The following CDIP1 variants were observed in gnomAD, a reference collection of about 807,000 sequenced individuals.
The protein encoded by CDIP1 is cell death-inducing p53-target protein 1.
Under a neutral mutation model 17.7 loss-of-function variants are expected in CDIP1, and 9 were observed. That is an observed-to-expected ratio of 0.51 (90% CI 0.31 to 0.89). The LOEUF (loss-of-function observed/expected upper bound fraction) is 0.89. Among genes scored for constraint, CDIP1 ranks in the 40% least tolerant of loss-of-function variants. The pLI, the probability that CDIP1 is intolerant of heterozygous loss-of-function variation, is 0.05. For missense variants in CDIP1, 263 were observed against 277.9 expected, an observed-to-expected ratio of 0.95 and a Z score of 0.38; for synonymous variants, 117 against 109.5, an observed-to-expected ratio of 1.07 and a Z score of -0.43.
chr16:4,538,133 C>G (rs1178101023), intron 1 of CDIP1, among the ~76,000 whole-genome samples: 1 of 152,202 alleles, frequency 6.6e-6, no homozygotes, highest in Non-Finnish European at 1.5e-5. Context: ...ACAACCTTCC[C>G]TGACGGAAAA....
At chr16:4,530,819 C>T (rs1204276677) in intron 1 of CDIP1, among the ~76,000 whole-genome samples, 1 of 151,774 alleles carries the variant, frequency 6.6e-6, no homozygotes, top group East Asian at 1.9e-4. Flanking sequence ...ACCTGGGCAA[C>T]AAAGCAAGAC....
intron 1 of CDIP1, chr16:4,524,345 T>C (rs535047761): frequency 1.3e-5 from 2 of 152,416 alleles, no homozygotes; most frequent in African/African-American, 4.8e-5. Context: ...CAAACAGCAA[T>C]GTTCCGCCTA....
rs775606773 is a variant in CDIP1 at position 4,513,652 on chromosome 16, G to A, written c.241+44C>T. On this transcript the variant is annotated intron_variant, in intron 4 of 5. Coordinates refer to ENST00000567695, the MANE Select transcript of CDIP1 (RefSeq NM_013399.3). The surrounding 1 kb of genome is among the most constrained non-coding windows in gnomAD (Gnocchi z 4.1). ...GACAGCCAGCGCAGGCCAGACAGCA[G>A]CCAGGAGTTCCCCATGCTCCCCTCA... 1.3e-6 allele frequency: 2 copies of A among 1,571,830 alleles called. No homozygotes were observed. Among genetic ancestry groups the A allele is most frequent in the Admixed American group, 1.7e-5 (1 of 57,930 alleles).
Position 4,513,707 on chromosome 16 carries a change from T to C in CDIP1, c.230A>G (p.Tyr77Cys), listed in dbSNP as rs1315259806. Reference sequence around the variant, plus strand: ...CCTTCCCCACTCACCCGGAGGCATGTAGGTGCCATCTGCACTCATGTGTGG... The same window carrying C: ...CCTTCCCCACTCACCCGGAGGCATGCAGGTGCCATCTGCACTCATGTGTGG... ...IPPHMSADGT[Y>C]MPPGFYPPPG... is the part of the protein sequence containing the mutation. The change falls in exon 4 of 6, where the codon TAC becomes TGC. Residue 77 changes from tyrosine (Y) to cysteine (C), a missense_variant. Transcript: ENST00000567695. The surrounding 1 kb of genome is among the most constrained non-coding windows in gnomAD (Gnocchi z 4.1). The C allele has an allele frequency of 6.2e-7, 1 of 1,613,446 alleles. No homozygotes were observed.
Position 4,512,830 on chromosome 16 carries a change from A to C in CDIP1, c.476T>G (p.Leu159Trp). The C allele has an allele frequency of 6.4e-7, 1 of 1,564,556 alleles. No individual in the cohort carries two copies. Among genetic ancestry groups the C allele is most frequent in the Non-Finnish European group, 8.7e-7 (1 of 1,153,986 alleles). ...GAAGAAACCCAGCACGAAATTCATC[A>C]AGCCAATCTCGTAGGAGATCTTGGT... ...ITTKISYEIG[L>W]MNFVLGFFCC... Residue 159 changes from leucine to tryptophan, a missense_variant, in exon 5 of 6, where the codon TTG becomes TGG. Transcript: ENST00000567695. This position sits in a 1 kb window ranked among gnomAD's most constrained non-coding sequence, Gnocchi z 4.6.
chr16:4,518,257 G>A (rs1178469906), intron 1 of CDIP1, among the ~76,000 whole-genome samples: 1 of 152,200 alleles, frequency 6.6e-6, no homozygotes, highest in African/African-American at 2.4e-5. Flanking sequence ...ATAATCCTAT[G>A]ATCTCCTAGA....
chr16:4,521,689 G>A (rs954874928), intron 1 of CDIP1, among the ~76,000 whole-genome samples: 1 of 132,844 alleles, frequency 7.5e-6, no homozygotes, highest in African/African-American at 2.9e-5. Flanking sequence ...ATGGCAAGAC[G>A]TCATCAATAT....
chr16:4,522,657 A>G (rs1356996188), intron 1 of CDIP1: 2 of 152,364 alleles, frequency 1.3e-5, no homozygotes, highest in Non-Finnish European at 2.9e-5. Context: ...GGGTCTGAAA[A>G]GAGAATGGCA....
intron 1 of CDIP1, chr16:4,523,984 C>A (rs1465732277): frequency 6.6e-6 from 1 of 152,256 alleles, no homozygotes; most frequent in Non-Finnish European, 1.5e-5. Context: ...CCCCAGGAGA[C>A]CTCCGGCACC....
rs1474078269 is a variant in CDIP1 at position 4,512,844 on chromosome 16, G to A, written c.462C>T (p.Ser154=). 2.6e-6 allele frequency: 4 copies of A among 1,562,000 alleles called. No individual in the cohort carries two copies. The Admixed American group carries it at 5.8e-5, about 23-fold the overall frequency. Residue 154 remains serine (S), a synonymous_variant, in exon 5 of 6, where the codon TCC becomes TCT. Coordinates refer to ENST00000567695, the MANE Select transcript of CDIP1 (RefSeq NM_013399.3). This position sits in a 1 kb window ranked among gnomAD's most constrained non-coding sequence, Gnocchi z 4.6. ...CGAAATTCATCAAGCCAATCTCGTA[G>A]GAGATCTTGGTGGTGATGGCCTGCT... The part of the protein sequence containing the change: ...HCQQAITTKI[S]YEIGLMNFVL...
chr16:4,521,310 G>A (rs2058945593), intron 1 of CDIP1, among the ~76,000 whole-genome samples: 1 of 152,142 alleles, frequency 6.6e-6, no homozygotes, highest in Non-Finnish European at 1.5e-5. Context: ...CCCCCGAGTG[G>A]TCTCAGGAAG....
Position 4,512,615 on chromosome 16 carries a change from G to C in CDIP1, c.584C>G (p.Pro195Arg). The change falls in exon 6 of 6, where the codon CCC becomes CGC. Residue 195 changes from proline (P) to arginine (R), a missense_variant. Physicochemically the swap from Pro to Arg is moderately radical, Grantham distance 103. Coordinates refer to ENST00000567695, the MANE Select transcript of CDIP1 (RefSeq NM_013399.3). This position sits in a 1 kb window ranked among gnomAD's most constrained non-coding sequence, Gnocchi z 4.6. ...NDFKDVTHTC[P>R]SCKAYIYTYK... ...CGTGTAGATGTAGGCTTTGCAGCTG[G>C]GGCATGTGTGCGTCACATCCTTGAA... 6.2e-7 allele frequency: 1 copy of C among 1,613,710 alleles called. No homozygotes were observed. Among genetic ancestry groups the C allele is most frequent in the Non-Finnish European group, 8.5e-7 (1 of 1,179,894 alleles).
Position 4,514,028 on chromosome 16 carries a change from G to T in CDIP1, c.85+18C>A. ...CAGGGGGCTGCAATATGGAGCCTCA[G>T]GAACAGTGACCCCCTACCTGGGGTG... On this transcript the variant is annotated intron_variant, in intron 3 of 5. Transcript: ENST00000567695. This position sits in a 1 kb window ranked among gnomAD's most constrained non-coding sequence, Gnocchi z 5.2. The T allele has an allele frequency of 1.4e-6, 2 of 1,475,478 alleles. No individual in the cohort carries two copies. The highest frequency in any genetic ancestry group is 1.8e-6 in the Non-Finnish European group (2 of 1,105,398). The allele number at this position is 1,475,478 out of a possible 1,614,324, so 91.4% of individuals were successfully genotyped here. A position where few individuals can be genotyped will look rare whatever the true frequency, so the allele number is the denominator to read the frequency against.
At chr16:4,518,360 C>A (rs996782054) in intron 1 of CDIP1, among the ~76,000 whole-genome samples, 1 of 152,242 alleles carries the variant, frequency 6.6e-6, no homozygotes, top group African/African-American at 2.4e-5. Context: ...TTGGTGTTCA[C>A]CCAACCTGGG....
At chr16:4,537,871 C>T (rs1011202555) in intron 1 of CDIP1, among the ~76,000 whole-genome samples, 3 of 152,242 alleles carry the variant, frequency 2.0e-5, no homozygotes, top group Non-Finnish European at 4.4e-5. Context: ...CGACTCCTAG[C>T]CCCAAGCTAG....
chr16:4,514,236 G>T lies in CDIP1; in HGVS notation c.-14-92C>A. 1.4e-6 allele frequency: 1 copy of T among 704,306 alleles called. No individual in the cohort carries two copies. Among genetic ancestry groups the T allele is most frequent in the Non-Finnish European group, 2.3e-6 (1 of 427,020 alleles). 43.6% of individuals were successfully genotyped at this position (704,306 alleles called of 1,614,324 possible). ...GTGGGGTGGCCAAGATGCTGCACAA[G>T]GCGTGTGACCATCCTCAGAAGGGTC... On this transcript the variant is annotated intron_variant, in intron 2 of 5. Coordinates refer to ENST00000567695, the MANE Select transcript of CDIP1 (RefSeq NM_013399.3). This position sits in a 1 kb window ranked among gnomAD's most constrained non-coding sequence, Gnocchi z 5.2.
At chr16:4,524,675 T>C (rs1342985336) in intron 1 of CDIP1, among the ~76,000 whole-genome samples, 1 of 152,206 alleles carries the variant, frequency 6.6e-6, no homozygotes, top group African/African-American at 2.4e-5. Context: ...GGCCAGTGCC[T>C]AGGACAGCCA....
chr16:4,522,570 G>A (rs1475548735), intron 1 of CDIP1: 2 of 152,300 alleles, frequency 1.3e-5, no homozygotes, highest in East Asian at 3.8e-4. Flanking sequence ...CAGCTTCCAT[G>A]TGCTGAATAA....
intron 1 of CDIP1, among the ~76,000 whole-genome samples, chr16:4,533,862 T>C (rs1206285216): frequency 1.3e-5 from 2 of 152,146 alleles, no homozygotes; most frequent in African/African-American, 2.4e-5. Flanking sequence ...CTCCCACTTG[T>C]ATTGTTGGGC....
Sources: allele counts gnomAD v4.1 joint callset (sites outside exome capture counted in the v4.1 genomes callset), GRCh38; gene constraint gnomAD v4.1.1; non-coding constraint Gnocchi (gnomAD v3.1); transcripts MANE v1.5; gene names NCBI Gene and HGNC (gene_info 2026-07-23, HGNC 2026-07-21).